SLC39A11: variants seen among roughly 807,000 people sequenced by gnomAD.
SLC39A11 encodes solute carrier family 39 member 11.
Under a neutral mutation model 36.1 loss-of-function variants are expected in SLC39A11, and 33 were observed. The ratio of observed to expected loss-of-function variants is 0.91; its 90% CI spans 0.69 to 1.22. SLC39A11 has a LOEUF of 1.22. Ranked by LOEUF, SLC39A11 falls within the 50% of genes most tolerant of loss-of-function variation. The probability of loss-of-function intolerance (pLI) is 0.00; values close to 1 mark genes in which losing one functional copy is unlikely to be tolerated. For missense variants in SLC39A11, 432 were observed against 430.3 expected (o/e 1.00, Z -0.03); for synonymous variants, 166 against 170.3 (o/e 0.97, Z 0.20).
At chr17:72,812,814 G>A (rs1248692465) in intron 6 of SLC39A11, among the ~76,000 whole-genome samples, 1 of 152,128 alleles carries the variant, frequency 6.6e-6, no homozygotes, top group Non-Finnish European at 1.5e-5. Context: ...ATTTAAGAAG[G>A]CATTGTGCTT....
intron 2 of SLC39A11, among the ~76,000 whole-genome samples, chr17:73,086,770 A>G (rs1347475562): frequency 1.3e-5 from 2 of 152,214 alleles, no homozygotes; most frequent in African/African-American, 4.8e-5. Context: ...CAGTGAGCTG[A>G]GATCATGCCA....
At chr17:73,036,675 G>A (rs560857378) in intron 3 of SLC39A11, among the ~76,000 whole-genome samples, 5 of 152,134 alleles carry the variant, frequency 3.3e-5, no homozygotes, top group Admixed American at 6.5e-5. Flanking sequence ...TCGAACTCCC[G>A]ACCTTAGGTG....
chr17:72,913,651 G>A (rs2083154971), intron 5 of SLC39A11, among the ~76,000 whole-genome samples: 1 of 152,118 alleles, frequency 6.6e-6, no homozygotes, highest in Non-Finnish European at 1.5e-5. Flanking sequence ...TTAGAGGTCT[G>A]AGGACTCGCC....
chr17:72,861,607 T>C (rs1406976522), intron 5 of SLC39A11, among the ~76,000 whole-genome samples: 1 of 143,330 alleles, frequency 7.0e-6, no homozygotes, highest in Non-Finnish European at 1.5e-5. Flanking sequence ...GGATAAGATA[T>C]ATACACACAG....
chr17:72,818,605 G>A (rs1019904607), intron 6 of SLC39A11, among the ~76,000 whole-genome samples: 2 of 151,834 alleles, frequency 1.3e-5, no homozygotes, highest in Non-Finnish European at 2.9e-5. Context: ...CATTTCTTTG[G>A]GGGGCCTCAT....
chr17:72,805,986 A>G (rs1488157129), intron 6 of SLC39A11, among the ~76,000 whole-genome samples: 2 of 152,080 alleles, frequency 1.3e-5, no homozygotes, highest in East Asian at 3.9e-4. Flanking sequence ...TCCTGACCTC[A>G]TGCTATCCAC....
rs745959772 is a variant in SLC39A11, at chr17:72,947,792, G to C, written c.390C>G (p.Pro130=). The C allele has an allele frequency of 9.3e-6, 15 of 1,613,984 alleles. No individual in the cohort carries two copies. The highest frequency in any genetic ancestry group is 1.3e-5 in the African/African-American group (1 of 74,876). The change falls in exon 5 of 10, where the codon CCC becomes CCG. Residue 130 remains proline (P), a synonymous_variant. Transcript: ENST00000255559. ...LMKKKSDPEG[P]ALLFPESELS... is the part of the protein sequence containing the mutation. Reference sequence around the variant, plus strand: ...GTTCACTCTCAGGGAAGAGCAGCGCGGGACCCTCAGGATCAGACTTCTTCT... The same window carrying C: ...GTTCACTCTCAGGGAAGAGCAGCGCCGGACCCTCAGGATCAGACTTCTTCT...
chr17:72,675,677 G>C (rs139142303), intron 7 of SLC39A11, among the ~76,000 whole-genome samples: 14 of 140,948 alleles, frequency 9.9e-5, no homozygotes, highest in African/African-American at 3.5e-4. Context: ...GATGCCCGGC[G>C]CCAGATGTCC....
At chr17:72,818,342 G>T (rs530525205) in intron 6 of SLC39A11, among the ~76,000 whole-genome samples, 2 of 152,148 alleles carry the variant, frequency 1.3e-5, no homozygotes, top group Non-Finnish European at 2.9e-5. Context: ...CTTCTATCTT[G>T]TAGCTCCTTG....
chr17:72,660,908 G>C (rs908828257), intron 7 of SLC39A11, among the ~76,000 whole-genome samples: 1 of 152,188 alleles, frequency 6.6e-6, no homozygotes, highest in African/African-American at 2.4e-5. Flanking sequence ...TCTCCGGGGA[G>C]GGGGAGGGGA....
intron 6 of SLC39A11, among the ~76,000 whole-genome samples, chr17:72,745,333 C>CAG (rs571389979): frequency 4.6e-5 from 7 of 152,224 alleles, no homozygotes; most frequent in Non-Finnish European, 7.3e-5. Flanking sequence ...CTCTTCCTGC[C>CAG]AGACTATGGT....
At chr17:72,684,096 G>C (rs1015337596) in intron 7 of SLC39A11, among the ~76,000 whole-genome samples, 12 of 152,080 alleles carry the variant, frequency 7.9e-5, no homozygotes, top group Admixed American at 7.2e-4. Context: ...TCTCCTTCTG[G>C]CCCCTGGGGA....
chr17:72,847,018 A>G (rs1414544232), intron 6 of SLC39A11, among the ~76,000 whole-genome samples: 1 of 152,142 alleles, frequency 6.6e-6, no homozygotes, highest in Non-Finnish European at 1.5e-5. Context: ...AGGGTCTTCC[A>G]CCAAGGCTAA....
chr17:72,831,169 C>T (rs1200952052), intron 6 of SLC39A11, among the ~76,000 whole-genome samples: 1 of 151,994 alleles, frequency 6.6e-6, no homozygotes, highest in Non-Finnish European at 1.5e-5. Flanking sequence ...AACCTCTTCC[C>T]TAACATCTCT....
At chr17:72,656,566 T>A (rs760247953) in intron 7 of SLC39A11, among the ~76,000 whole-genome samples, 1 of 147,270 alleles carries the variant, frequency 6.8e-6, no homozygotes, top group Non-Finnish European at 1.5e-5. Flanking sequence ...CAGGGAGTCA[T>A]TGGGGAGGAG....
At chr17:73,075,593 C>CTA (rs916228251) in intron 3 of SLC39A11, among the ~76,000 whole-genome samples, 30 of 152,270 alleles carry the variant, frequency 2.0e-4, no homozygotes, top group African/African-American at 7.2e-4. Flanking sequence ...TGGCTCACGC[C>CTA]TATAATCTCA....
intron 6 of SLC39A11, among the ~76,000 whole-genome samples, chr17:72,785,007 G>A (rs916649711): frequency 5.3e-5 from 8 of 151,858 alleles, no homozygotes; most frequent in African/African-American, 1.7e-4. Context: ...TTACAGGTAC[G>A]CAGGCATGCG....
rs181926792 is a variant in SLC39A11 at position 72,928,066 on chromosome 17, A to C, written c.430+19686T>G. On this transcript the variant is annotated intron_variant, in intron 5 of 9. Transcript: ENST00000255559. ...CCAAAAAAAAAGATAAAATTCCTAC[A>C]AAGAGGAGGATCCCAGGCCTAACGA... is the stretch of plus-strand genomic sequence containing the variant. 5.1e-4 allele frequency among the ~76,000 whole-genome samples: 77 copies of C among 152,336 alleles called. 2 individuals carry two copies. The highest frequency in any genetic ancestry group is 4.8e-3 in the Admixed American group (73 of 15,302).
At chr17:72,938,590 A>G (rs1255102532) in intron 5 of SLC39A11, among the ~76,000 whole-genome samples, 1 of 152,234 alleles carries the variant, frequency 6.6e-6, no homozygotes, top group Non-Finnish European at 1.5e-5. Context: ...TTCTGCAAAA[A>G]TAACTGCTGC....
Sources: gnomAD v4.1 joint callset for allele counts (sites outside exome capture counted in the v4.1 genomes callset) on GRCh38, gnomAD v4.1.1 for gene constraint, MANE v1.5 for transcripts, NCBI Gene and HGNC (gene_info 2026-07-23, HGNC 2026-07-21) for gene names.